Variants in CSMD1 observed in about 807,000 individuals in gnomAD.
CSMD1 encodes the protein CUB and sushi domain-containing protein 1.
In CSMD1, 213 loss-of-function variants were observed where a neutral mutation model predicts 417.5. That is an observed-to-expected ratio of 0.51 (90% CI 0.46 to 0.57). The LOEUF (loss-of-function observed/expected upper bound fraction) is 0.57. CSMD1 is among the 20% of genes least tolerant of loss of function. The pLI is 0.00. For synonymous variants in CSMD1, 2,862 were observed against 1,736.8 expected, an observed-to-expected ratio of 1.65 and a Z score of -16.11; for missense variants, 6,923 against 4,529.7, an observed-to-expected ratio of 1.53 and a Z score of -15.17.
chr8:4,609,631 C>T (rs1319848955), intron 2 of CSMD1, among the ~76,000 whole-genome samples: 1 of 152,168 alleles, frequency 6.6e-6, no homozygotes, highest in African/African-American at 2.4e-5. Context: ...ATATTTTTGA[C>T]ATCCCATTCT....
chr8:4,188,714 C>T (rs1396737418), intron 3 of CSMD1, among the ~76,000 whole-genome samples: 2 of 151,712 alleles, frequency 1.3e-5, no homozygotes, highest in Admixed American at 6.6e-5. Context: ...TAAATAAAAA[C>T]ATAATAAACA....
intron 3 of CSMD1, among the ~76,000 whole-genome samples, chr8:4,047,307 T>C (rs758455970): frequency 6.6e-6 from 1 of 152,180 alleles, no homozygotes; most frequent in East Asian, 1.9e-4. Context: ...AGACATAAAG[T>C]GGAATATTCT....
chr8:3,911,944 G>A (rs1333956542), intron 5 of CSMD1, among the ~76,000 whole-genome samples: 1 of 151,974 alleles, frequency 6.6e-6, no homozygotes, highest in Non-Finnish European at 1.5e-5. Context: ...TTCCCTATAT[G>A]TCCACCTGAA....
intron 3 of CSMD1, among the ~76,000 whole-genome samples, chr8:4,152,552 T>C (rs916042856): frequency 4.0e-5 from 6 of 150,412 alleles, no homozygotes; most frequent in African/African-American, 1.2e-4. Flanking sequence ...TAGCTAGTCA[T>C]GGTGGTGCAC....
intron 3 of CSMD1, among the ~76,000 whole-genome samples, chr8:4,408,253 CAG>C (rs1251735404): frequency 6.6e-6 from 1 of 152,136 alleles, no homozygotes; most frequent in Non-Finnish European, 1.5e-5. Flanking sequence ...TCTCTCTCCT[CAG>C]AGGATATGAA....
intron 68 of CSMD1, among the ~76,000 whole-genome samples, chr8:2,943,792 T>C (rs1381185386): frequency 6.6e-6 from 1 of 152,248 alleles, no homozygotes; most frequent in Admixed American, 6.5e-5. Flanking sequence ...GTGCAATGAA[T>C]CATGATTGGC....
chr8:4,651,486 A>T (rs6997243), intron 1 of CSMD1, among the ~76,000 whole-genome samples: 7,867 of 152,222 alleles, frequency 0.052, 560 homozygotes, highest in African/African-American at 0.15. Context: ...GGAATTGAAC[A>T]AACACAAGCG....
intron 1 of CSMD1, among the ~76,000 whole-genome samples, chr8:4,761,162 T>C (rs1273354775): frequency 6.6e-6 from 1 of 152,088 alleles, no homozygotes; most frequent in African/African-American, 2.4e-5. Flanking sequence ...AAAAAGTCAC[T>C]ATGAAAGCGA....
At chr8:4,396,570 C>G (rs1401262071) in intron 3 of CSMD1, among the ~76,000 whole-genome samples, 1 of 151,776 alleles carries the variant, frequency 6.6e-6, no homozygotes, top group African/African-American at 2.4e-5. Context: ...GCAACTGCAA[C>G]CAGCCTAAAT....
At chr8:4,423,398 T>C (rs940620298) in intron 2 of CSMD1, among the ~76,000 whole-genome samples, 4 of 152,112 alleles carry the variant, frequency 2.6e-5, no homozygotes, top group East Asian at 1.9e-4. Flanking sequence ...AAATCTATTG[T>C]AGTTCTACAT....
chr8:4,863,673 A>G (rs992954524), intron 1 of CSMD1, among the ~76,000 whole-genome samples: 3 of 152,050 alleles, frequency 2.0e-5, no homozygotes, highest in Admixed American at 2.0e-4. Flanking sequence ...TTGAATCTAA[A>G]TGTGTGCATA....
intron 1 of CSMD1, among the ~76,000 whole-genome samples, chr8:4,730,959 G>T (rs1039511707): frequency 6.6e-6 from 1 of 151,966 alleles, no homozygotes; most frequent in East Asian, 1.9e-4. Flanking sequence ...TGCCTATTGG[G>T]GTGATTTTAC....
Position 3,183,323 on chromosome 8 carries a change from C to G in CSMD1, c.5621-2109G>C, listed in dbSNP as rs1160347924. Among the ~76,000 whole-genome samples, 3 of 146,268 alleles carry G rather than the reference C, an allele frequency of 2.1e-5. No homozygotes were observed. In the East Asian group the frequency reaches 6.2e-4, roughly 30 times the overall value. ...AGTAGGTCTCTAACGCCTAATCTAT[C>G]TATCCCTGAAATATCGAGTAGGTCT... On this transcript the variant is annotated intron_variant, in intron 36 of 69. Transcript: ENST00000635120.
rs544182330 is a variant in CSMD1, at chr8:4,671,335, C to G, written c.86-33777G>C. On this transcript the variant is annotated intron_variant, in intron 1 of 69. Coordinates refer to ENST00000635120, the MANE Select transcript of CSMD1 (RefSeq NM_033225.6). ...AATTCTTTATTCTTGTTTTTTAAAC[C>G]TAATTGATGCTGTTTATCTACTTAA... Among the ~76,000 whole-genome samples the G allele has an allele frequency of 8.6e-5, 13 of 151,992 alleles. No homozygotes were observed. In the East Asian group the frequency reaches 2.1e-3, roughly 25 times the overall value.
At chr8:3,623,473 A>G (rs1796354801) in intron 7 of CSMD1, among the ~76,000 whole-genome samples, 2 of 152,254 alleles carry the variant, frequency 1.3e-5, no homozygotes, top group Admixed American at 6.5e-5. Context: ...ATTAGTGGAG[A>G]TAAGATCTAT....
At chr8:4,776,060 G>C (rs1191220757) in intron 1 of CSMD1, among the ~76,000 whole-genome samples, 1 of 152,046 alleles carries the variant, frequency 6.6e-6, no homozygotes, top group Non-Finnish European at 1.5e-5. Flanking sequence ...ATGATTCTAG[G>C]AAATGAGTGT....
chr8:3,302,923 G>T (rs73657803), intron 25 of CSMD1, among the ~76,000 whole-genome samples: 5,281 of 152,230 alleles, frequency 0.035, 319 homozygotes, highest in African/African-American at 0.12. Flanking sequence ...TCTGACTCAG[G>T]CTCTCCTACA....
chr8:4,442,260 T>A (rs1348526068), intron 2 of CSMD1, among the ~76,000 whole-genome samples: 1 of 152,164 alleles, frequency 6.6e-6, no homozygotes, highest in Non-Finnish European at 1.5e-5. Flanking sequence ...ATCTTTAAAA[T>A]TTTGTTTTTA....
intron 1 of CSMD1, among the ~76,000 whole-genome samples, chr8:4,980,356 T>G (rs76979142): frequency 0.012 from 1,841 of 152,270 alleles, 34 homozygotes; most frequent in South Asian, 0.074. Context: ...CAGTTGCACT[T>G]AGAGCCCCAG....
Sources: gnomAD v4.1 joint callset for allele counts (sites outside exome capture counted in the v4.1 genomes callset) on GRCh38, gnomAD v4.1.1 for gene constraint, MANE v1.5 for transcripts, NCBI Gene and HGNC (gene_info 2026-07-23, HGNC 2026-07-21) for gene names.